Variants in P4HTM observed in about 807,000 individuals in gnomAD.
P4HTM encodes the protein transmembrane prolyl 4-hydroxylase.
P4HTM carries 33 observed loss-of-function variants against 55.3 expected under a neutral mutation model. The ratio of observed to expected loss-of-function variants is 0.60; its 90% CI spans 0.45 to 0.80. The LOEUF (loss-of-function observed/expected upper bound fraction) is 0.80. Ranked by LOEUF, P4HTM falls within the 30% of genes least tolerant of loss-of-function variation. P4HTM has a pLI of 0.00. For synonymous variants in P4HTM, 272 were observed against 286.4 expected (o/e 0.95, Z 0.51); for missense variants, 542 against 696.5 (o/e 0.78, Z 2.50).
Position 48,990,989 on chromosome 3 carries a change from C to G in P4HTM, c.436+75C>G. 9.0e-7 allele frequency: 1 copy of G among 1,107,714 alleles called. No individual in the cohort carries two copies. Among genetic ancestry groups the G allele is most frequent in the East Asian group, 2.5e-5 (1 of 40,024 alleles). The allele number at this position is 1,107,714 out of a possible 1,614,324, so 68.6% of individuals were successfully genotyped here. On this transcript the variant is annotated intron_variant, in intron 2 of 8. Coordinates refer to ENST00000383729, the MANE Select transcript of P4HTM (RefSeq NM_177939.3). The surrounding 1 kb of genome is among the most constrained non-coding windows in gnomAD (Gnocchi z 7.2). ...GCCACCTTGAGGCTCGTTGTGACCACGTGACCTCTATTTTGAAAATGGCTG... is the reference window on the plus strand; with the variant it reads ...GCCACCTTGAGGCTCGTTGTGACCAGGTGACCTCTATTTTGAAAATGGCTG...
intron 2 of P4HTM, chr3:48,996,297 G>A (rs755200293): frequency 6.6e-6 from 1 of 152,098 alleles, no homozygotes; most frequent in Non-Finnish European, 1.5e-5. Flanking sequence ...TTTTGAGACG[G>A]AATCTCGCTC....
chr3:49,004,410 AAGAC>A, intron 5 of P4HTM, 150 bp downstream of exon 5: 1 of 830,646 alleles, frequency 1.2e-6, no homozygotes, highest in South Asian at 1.9e-5. Flanking sequence ...GACCCACTGA[AAGAC>A]AGGCAATTAA....
At chr3:48,991,838 G>A (rs1313052943) in intron 2 of P4HTM, 1 of 152,220 alleles carries the variant, frequency 6.6e-6, no homozygotes, top group Non-Finnish European at 1.5e-5. Flanking sequence ...TGGCCTCCGT[G>A]ACAAACATAT....
rs1422114150 is a variant in P4HTM at position 48,999,016 on chromosome 3, A to G, written c.437-2422A>G. Among the ~76,000 whole-genome samples the G allele has an allele frequency of 6.6e-6, 1 of 152,060 alleles. No homozygotes were observed. The highest frequency in any genetic ancestry group is 1.5e-5 in the Non-Finnish European group (1 of 67,988). ...CTGAAGCGACTTGTCCACCTGCCCT[A>G]TCTTGACATTCAAGAGCCCTTGACC... On this transcript the variant is annotated intron_variant, in intron 2 of 8. Coordinates refer to ENST00000383729, the MANE Select transcript of P4HTM (RefSeq NM_177939.3). The surrounding 1 kb of genome is among the most constrained non-coding windows in gnomAD (Gnocchi z 4.8).
At chr3:48,992,666 T>A (rs1291849283) in intron 2 of P4HTM, among the ~76,000 whole-genome samples, 1 of 147,128 alleles carries the variant, frequency 6.8e-6, no homozygotes, top group African/African-American at 2.5e-5. Flanking sequence ...AGAACTCTTT[T>A]TTTTTTTTTT....
rs754014749 is a variant in P4HTM, at chr3:49,005,108, G to A, written c.1073+62G>A. On this transcript the variant is annotated intron_variant, in intron 6 of 8. Transcript: ENST00000383729. ...CAGACCAGGAACACCCATGACACAG[G>A]CACAGCCCTGCACTGTGGGCGTGCC... The A allele has an allele frequency of 4.3e-6, 7 of 1,613,128 alleles. No homozygotes were observed. The East Asian group carries it at 1.1e-4, about 26-fold the overall frequency.
At chr3:49,000,316 G>A (rs1293609432) in intron 2 of P4HTM, among the ~76,000 whole-genome samples, 1 of 152,122 alleles carries the variant, frequency 6.6e-6, no homozygotes, top group African/African-American at 2.4e-5. Flanking sequence ...TTTTGAGCCC[G>A]AGGTGGAAGG....
At chr3:48,991,019 A>T in intron 2 of P4HTM, 105 bp downstream of exon 2, 8 of 802,702 alleles carry the variant, frequency 1.0e-5, no homozygotes, top group Non-Finnish European at 1.7e-5. Flanking sequence ...TGGCTGCTTC[A>T]GAGCAGCCCT....
Position 49,002,451 on chromosome 3 carries a change from G to A in P4HTM, c.628-49G>A, listed in dbSNP as rs757731008. ...AGCACTGGGCCATCTGTTCTCTGCTGGCTCTCCATCACTGGGGTCACCCAC... is the reference window on the plus strand; with the variant it reads ...AGCACTGGGCCATCTGTTCTCTGCTAGCTCTCCATCACTGGGGTCACCCAC... On this transcript the variant is annotated intron_variant, in intron 3 of 8. Coordinates refer to ENST00000383729, the MANE Select transcript of P4HTM (RefSeq NM_177939.3). This position sits in a 1 kb window ranked among gnomAD's most constrained non-coding sequence, Gnocchi z 4.4. 26 of 1,334,362 alleles carry A rather than the reference G, an allele frequency of 1.9e-5. No individual in the cohort carries two copies. The highest frequency in any genetic ancestry group is 3.2e-6 in the Non-Finnish European group (3 of 927,950). 82.7% of individuals were successfully genotyped at this position (1,334,362 alleles called of 1,614,324 possible).
chr3:48,991,312 A>C (rs1463513210), intron 2 of P4HTM: 1 of 177,478 alleles, frequency 5.6e-6, no homozygotes, highest in Non-Finnish European at 1.2e-5. Context: ...TCTGATGAGA[A>C]GCAGGCCGTC....
intron 2 of P4HTM, chr3:48,996,140 A>G (rs1427273586): frequency 6.6e-6 from 1 of 152,232 alleles, no homozygotes; most frequent in Admixed American, 6.5e-5. Context: ...TAGGATTTCT[A>G]AATGTATTCT....
intron 2 of P4HTM, among the ~76,000 whole-genome samples, chr3:48,995,766 A>C (rs1357517397): frequency 6.6e-6 from 1 of 151,964 alleles, no homozygotes; most frequent in Non-Finnish European, 1.5e-5. Flanking sequence ...TTGTATTTTT[A>C]CCAGAGGCAG....
chr3:48,990,068 G>T (rs1033711402), upstream of P4HTM: 1 of 319,936 alleles, frequency 3.1e-6, no homozygotes, highest in Admixed American at 5.8e-5. The surrounding 1 kb of genome is among the most constrained non-coding windows in gnomAD (Gnocchi z 7.2). Flanking sequence ...CCCAGCGTGG[G>T]CTGGGGCTCA....
chr3:49,001,222 T>G, intron 2 of P4HTM: 1 of 592,534 alleles, frequency 1.7e-6, no homozygotes, highest in East Asian at 3.0e-5. Context: ...GCTCTCATCA[T>G]CAAGAGAGGT....
In P4HTM at chr3:48,990,326, T is replaced by C. The variant is rs1204931049; in HGVS notation, c.70T>C (p.Trp24Arg). 3 of 1,433,392 alleles carry C rather than the reference T, an allele frequency of 2.1e-6. No individual in the cohort carries two copies. Among genetic ancestry groups the C allele is most frequent in the African/African-American group, 3.0e-5 (2 of 66,784 alleles). The allele number at this position is 1,433,392 out of a possible 1,614,324, so 88.8% of individuals were successfully genotyped here. A position where few individuals can be genotyped will look rare whatever the true frequency, so the allele number is the denominator to read the frequency against. The change falls in exon 1 of 9, where the codon TGG becomes CGG. Residue 24 changes from tryptophan to arginine, a missense_variant. By Grantham distance (101) the Trp-to-Arg change is moderately radical (BLOSUM62 -3). Coordinates refer to ENST00000383729, the MANE Select transcript of P4HTM (RefSeq NM_177939.3). The surrounding 1 kb of genome is among the most constrained non-coding windows in gnomAD (Gnocchi z 7.2). Reference sequence around the variant, plus strand: ...GGCCGAGGAGGCCTCGAGGCCGCAGTGGGCGCCGCCAGACCACTGCCAGGC... The same window carrying C: ...GGCCGAGGAGGCCTCGAGGCCGCAGCGGGCGCCGCCAGACCACTGCCAGGC... Reference protein sequence around the residue: ...AAAEEASRPQWAPPDHCQAQA... With the variant: ...AAAEEASRPQRAPPDHCQAQA...
chr3:48,991,845 A>G (rs556729801), intron 2 of P4HTM: 32 of 152,300 alleles, frequency 2.1e-4, no homozygotes, highest in African/African-American at 7.5e-4. Context: ...CGTGACAAAC[A>G]TATTTGCAAA....
intron 2 of P4HTM, chr3:48,998,150 G>A (rs2092951122): frequency 6.6e-6 from 1 of 152,356 alleles, no homozygotes; most frequent in African/African-American, 2.4e-5. Context: ...GTGGGGCCGA[G>A]CAAGGTGGAG....
chr3:48,990,603 G>T lies in P4HTM; in HGVS notation c.347G>T (p.Gly116Val). ...PTLGPLTRLE[G>V]IKVGHERKVQ... ...TTAGGTCCCCTCACCCGGCTGGAGG[G>T]CATCAAGGTGAGGACCTCCCTGCCC... The change falls in exon 1 of 9, where the codon GGC becomes GTC. Residue 116 changes from glycine (G) to valine (V), a missense_variant. Coordinates refer to ENST00000383729, the MANE Select transcript of P4HTM (RefSeq NM_177939.3). This position sits in a 1 kb window ranked among gnomAD's most constrained non-coding sequence, Gnocchi z 7.2. 6.3e-7 allele frequency: 1 copy of T among 1,582,186 alleles called. No homozygotes were observed.
At chr3:49,001,747 G>A (rs988211934) in intron 3 of P4HTM, 119 bp downstream of exon 3, 2 of 843,870 alleles carry the variant, frequency 2.4e-6, no homozygotes, top group African/African-American at 3.4e-5. Context: ...ACCCAGACCT[G>A]CCTGGGCATG....
Sources: allele counts gnomAD v4.1 joint callset (sites outside exome capture counted in the v4.1 genomes callset), GRCh38; gene constraint gnomAD v4.1.1; non-coding constraint Gnocchi (gnomAD v3.1); transcripts MANE v1.5; gene names NCBI Gene and HGNC (gene_info 2026-07-23, HGNC 2026-07-21).